USP14: variants seen among roughly 807,000 people sequenced by gnomAD.
The protein encoded by USP14 is ubiquitin carboxyl-terminal hydrolase 14.
A neutral mutation model predicts 76.5 loss-of-function variants in USP14; 38 were observed. The ratio of observed to expected loss-of-function variants is 0.50; its 90% CI spans 0.38 to 0.65. The LOEUF (loss-of-function observed/expected upper bound fraction) is 0.65, where lower values mean the gene tolerates loss of function less well. USP14 is among the 30% of genes least tolerant of loss of function. The pLI is 0.00. For synonymous variants in USP14, 192 were observed against 191.7 expected (o/e 1.00, Z -0.01); for missense variants, 467 against 586.5 (o/e 0.80, Z 2.10).
At chr18:166,653 C>A in intron 2 of USP14, 134 bp from the exon 3 acceptor site, 2 of 1,138,020 alleles carry the variant, frequency 1.8e-6, no homozygotes, top group African/African-American at 1.6e-5. Context: ...TTTTTAATTG[C>A]CATAATTTTA....
intron 13 of USP14, among the ~76,000 whole-genome samples, chr18:207,063 AGAAG>A (rs1910550484): frequency 6.8e-6 from 1 of 146,472 alleles, no homozygotes; most frequent in Non-Finnish European, 1.6e-5. Flanking sequence ...CCATTTTTTA[AGAAG>A]ACTGTTCTTT....
In USP14 at chr18:207,245, A is replaced by G. The variant is rs200851217; in HGVS notation, c.1164+2553A>G. 4.7e-4 allele frequency among the ~76,000 whole-genome samples: 68 copies of G among 145,080 alleles called. 3 individuals are homozygous for G. The East Asian group carries it at 0.011, about 24-fold the overall frequency. ...TTTCTAATAAGGCTTGAAATTGTGA[A>G]GTATCAGCCTTCACTTTTGTTCTTC... On this transcript the variant is annotated intron_variant, in intron 13 of 15. Coordinates refer to ENST00000261601, the MANE Select transcript of USP14 (RefSeq NM_005151.4).
chr18:166,012 A>C (rs76347333), intron 2 of USP14, among the ~76,000 whole-genome samples: 8,025 of 151,984 alleles, frequency 0.053, 554 homozygotes, highest in East Asian at 0.3. Context: ...TTAAAAAAAA[A>C]ATTCTTGATT....
intron 13 of USP14, among the ~76,000 whole-genome samples, chr18:206,616 C>T (rs1347739438): frequency 6.6e-6 from 1 of 152,034 alleles, no homozygotes; most frequent in Admixed American, 6.6e-5. Context: ...AAAGCATTGC[C>T]GGGCTCGGCA....
rs1055531537 is a variant in USP14, at chr18:208,403, T to G, written c.1165-1568T>G. On this transcript the variant is annotated intron_variant, in intron 13 of 15. Transcript: ENST00000261601. ...GTGTTTGTCCCCCTTGCTTGAGGATTATTAATTTTATTGATATCTTCAAAG... is the reference window on the plus strand; with the variant it reads ...GTGTTTGTCCCCCTTGCTTGAGGATGATTAATTTTATTGATATCTTCAAAG... Among the ~76,000 whole-genome samples the G allele has an allele frequency of 3.3e-5, 5 of 152,148 alleles. No individual in the cohort carries two copies. In the East Asian group the frequency reaches 9.6e-4, roughly 29 times the overall value.
intron 5 of USP14, among the ~76,000 whole-genome samples, chr18:187,739 A>G (rs530872573): frequency 2.8e-4 from 42 of 152,302 alleles, no homozygotes; most frequent in African/African-American, 9.1e-4. Context: ...CTAATTTCAA[A>G]TATCAGATTT....
At chr18:211,101 C>T (rs1267045607) in intron 15 of USP14, 32 bp from the exon 16 acceptor site, 15 of 1,600,346 alleles carry the variant, frequency 9.4e-6, no homozygotes, top group Non-Finnish European at 1.3e-5. Flanking sequence ...TCCTGCATAA[C>T]ATTAATTCAT....
intron 2 of USP14, among the ~76,000 whole-genome samples, chr18:164,175 A>G (rs557200258): frequency 6.6e-6 from 1 of 152,316 alleles, no homozygotes; most frequent in African/African-American, 2.4e-5. Context: ...TATTAAAAGT[A>G]TTAGTTTTAT....
chr18:167,456 G>A (rs746091140), intron 3 of USP14, among the ~76,000 whole-genome samples: 1 of 151,954 alleles, frequency 6.6e-6, no homozygotes, highest in Non-Finnish European at 1.5e-5. Flanking sequence ...ATTTATTTAG[G>A]TCTCTGTTTT....
chr18:164,233 C>G (rs1909203623), intron 2 of USP14, among the ~76,000 whole-genome samples: 1 of 151,878 alleles, frequency 6.6e-6, no homozygotes, highest in Admixed American at 6.6e-5. Context: ...TAGTAATTTT[C>G]TGTAATGAGG....
intron 3 of USP14, among the ~76,000 whole-genome samples, chr18:173,547 G>T (rs556124472): frequency 6.6e-6 from 1 of 152,112 alleles, no homozygotes; most frequent in African/African-American, 2.4e-5. Flanking sequence ...GAGTAGCTGG[G>T]ATTAAAGGCA....
chr18:196,899 C>A, intron 7 of USP14, 132 bp downstream of exon 7: 1 of 1,174,144 alleles, frequency 8.5e-7, no homozygotes, highest in Non-Finnish European at 1.2e-6. Flanking sequence ...TGTCTCTTGC[C>A]TGGAGCCGCA....
chr18:186,769 G>A (rs1909942747), intron 5 of USP14, among the ~76,000 whole-genome samples: 1 of 151,940 alleles, frequency 6.6e-6, no homozygotes, highest in African/African-American at 2.4e-5. Flanking sequence ...AAAGAGAAAG[G>A]GATGAAGATT....
chr18:166,635 A>G (rs2144211921), intron 2 of USP14, 152 bp from the exon 3 acceptor site: 1 of 953,660 alleles, frequency 1.0e-6, no homozygotes, highest in Non-Finnish European at 1.5e-6. Context: ...GCCTGGCCAA[A>G]AAAAATTTTT....
intron 13 of USP14, among the ~76,000 whole-genome samples, chr18:206,683 T>G (rs955825524): frequency 1.3e-5 from 2 of 152,202 alleles, no homozygotes; most frequent in African/African-American, 4.8e-5. Context: ...GCAGATCACT[T>G]GAGGTCAGGG....
chr18:179,612 G>A (rs184657129), intron 4 of USP14, among the ~76,000 whole-genome samples: 2 of 144,350 alleles, frequency 1.4e-5, no homozygotes, highest in East Asian at 4.0e-4. Context: ...CCTTGAGATG[G>A]GGTCTTGCTC....
At chr18:193,325 A>G (rs1254427357) in intron 6 of USP14, among the ~76,000 whole-genome samples, 1 of 152,168 alleles carries the variant, frequency 6.6e-6, no homozygotes, top group Non-Finnish European at 1.5e-5. Context: ...TTCATTGCAT[A>G]AGAGAATATA....
chr18:197,557 A>T, intron 7 of USP14, 59 bp from the exon 8 acceptor site: 1 of 1,378,590 alleles, frequency 7.3e-7, no homozygotes. Context: ...TTATTTTGGA[A>T]GAACTTTGTA....
intron 1 of USP14, among the ~76,000 whole-genome samples, chr18:162,195 T>C (rs993920826): frequency 6.6e-6 from 1 of 152,244 alleles, no homozygotes; most frequent in African/African-American, 2.4e-5. Context: ...ATAATGCTGC[T>C]GTAAACATGG....
Sources: allele counts gnomAD v4.1 joint callset (sites outside exome capture counted in the v4.1 genomes callset), GRCh38; gene constraint gnomAD v4.1.1; transcripts MANE v1.5; gene names NCBI Gene and HGNC (gene_info 2026-07-23, HGNC 2026-07-21).